LACC1: variants seen among roughly 807,000 people sequenced by gnomAD.
LACC1 encodes the protein laccase domain multifunctional purine nucleosidase 1.
In LACC1, 25 loss-of-function variants were observed where a neutral mutation model predicts 34.8. The ratio of observed to expected loss-of-function variants is 0.72; its 90% CI spans 0.52 to 1.00. LACC1 has a LOEUF of 1.00. LACC1 is among the 50% of genes least tolerant of loss of function. The probability of loss-of-function intolerance (pLI) is 0.00; values close to 1 mark genes in which losing one functional copy is unlikely to be tolerated. For missense variants in LACC1, 426 were observed against 511.2 expected, an observed-to-expected ratio of 0.83 and a Z score of 1.61; for synonymous variants, 162 against 168.0, an observed-to-expected ratio of 0.96 and a Z score of 0.28.
chr13:43,883,437 T>C (rs1955169344), intron 3 of LACC1, among the ~76,000 whole-genome samples: 1 of 152,212 alleles, frequency 6.6e-6, no homozygotes, highest in African/African-American at 2.4e-5. Context: ...TTAACTTTCC[T>C]TTACAAGAAA....
At chr13:43,882,984 C>T (rs967793986) in intron 3 of LACC1, among the ~76,000 whole-genome samples, 2 of 152,128 alleles carry the variant, frequency 1.3e-5, no homozygotes, top group African/African-American at 4.8e-5. Context: ...CGTACTCATG[C>T]TGGGACCATG....
chr13:43,884,514 A>T (rs1158666464), intron 4 of LACC1, among the ~76,000 whole-genome samples: 1 of 152,196 alleles, frequency 6.6e-6, no homozygotes, highest in Non-Finnish European at 1.5e-5. Context: ...GGAAAAAGCA[A>T]GATGTTTTGA....
Position 43,892,444 on chromosome 13 carries a change from A to G in LACC1, c.*997A>G, listed in dbSNP as rs1297988158. 6.6e-6 allele frequency: 1 copy of G among 152,070 alleles called. No homozygotes were observed. The highest frequency in any genetic ancestry group is 1.5e-5 in the Non-Finnish European group (1 of 67,980). 9.4% of individuals were successfully genotyped at this position (152,070 alleles called of 1,614,324 possible). A position where few individuals can be genotyped will look rare whatever the true frequency, so the allele number is the denominator to read the frequency against. ...AAGTAAGAGGTGAGGAAGAGTGGAA[A>G]AGTCATTAATGACTCTAAGATTTCT... is the stretch of plus-strand genomic sequence containing the variant. On this transcript the variant is annotated 3_prime_UTR_variant, in exon 7 of 7. Coordinates refer to ENST00000325686, the MANE Select transcript of LACC1 (RefSeq NM_153218.4).
Position 43,890,120 on chromosome 13 carries a change from T to C in LACC1, c.1140T>C (p.Leu380=). 1.2e-6 allele frequency: 2 copies of C among 1,610,916 alleles called. No individual in the cohort carries two copies. Among genetic ancestry groups the C allele is most frequent in the Non-Finnish European group, 8.5e-7 (1 of 1,178,760 alleles). The part of the protein sequence containing the change: ...CIDIRKATRI[L]LEQGGILPQN... Reference sequence around the variant, plus strand: ...GAAAAATATTTTTCCTAAGGATTCTTCTAGAACAGGGAGGAATTCTTCCAC... The same window carrying C: ...GAAAAATATTTTTCCTAAGGATTCTCCTAGAACAGGGAGGAATTCTTCCAC... Residue 380 remains leucine (L), a synonymous_variant, in exon 6 of 7, where the codon CTT becomes CTC. Coordinates refer to ENST00000325686, the MANE Select transcript of LACC1 (RefSeq NM_153218.4).
intron 4 of LACC1, among the ~76,000 whole-genome samples, chr13:43,886,715 A>G (rs1955347905): frequency 6.6e-6 from 1 of 152,208 alleles, no homozygotes; most frequent in South Asian, 2.1e-4. Context: ...CAATTTACCC[A>G]TGTAACAAAC....
At chr13:43,887,357 C>T (rs1441279366) in intron 4 of LACC1, among the ~76,000 whole-genome samples, 1 of 152,032 alleles carries the variant, frequency 6.6e-6, no homozygotes, top group African/African-American at 2.4e-5. Context: ...GTATGGAGTG[C>T]TTAAGGAAGG....
intron 4 of LACC1, among the ~76,000 whole-genome samples, chr13:43,885,238 C>A (rs1955257843): frequency 6.6e-6 from 1 of 152,148 alleles, no homozygotes; most frequent in Admixed American, 6.5e-5. Context: ...TCATTTTTCA[C>A]AGATTTAGAA....
At chr13:43,889,325 A>G (rs994267524) in intron 5 of LACC1, among the ~76,000 whole-genome samples, 2 of 152,224 alleles carry the variant, frequency 1.3e-5, no homozygotes, top group Non-Finnish European at 2.9e-5. Context: ...AAATGTAATG[A>G]ACTATCAGGA....
At chr13:43,890,030 G>A (rs1319324800) in intron 5 of LACC1, 84 bp from the exon 6 acceptor site, 26 of 1,195,260 alleles carry the variant, frequency 2.2e-5, no homozygotes, top group Admixed American at 4.5e-5. Context: ...ACTTTTTCAT[G>A]CCAACATCCA....
intron 4 of LACC1, among the ~76,000 whole-genome samples, chr13:43,884,385 A>G (rs566268416): frequency 1.3e-5 from 2 of 152,264 alleles, no homozygotes; most frequent in East Asian, 3.9e-4. Flanking sequence ...TCCCTAGGGG[A>G]GTGGTACTGC....
chr13:43,887,807 G>A (rs1594897215), intron 4 of LACC1, among the ~76,000 whole-genome samples: 1 of 152,140 alleles, frequency 6.6e-6, no homozygotes, highest in Non-Finnish European at 1.5e-5. Flanking sequence ...AATAAGTGTT[G>A]TTGAGGATAT....
rs2138385383 is a variant in LACC1 at position 43,892,430 on chromosome 13, G to A, written c.*983G>A. The A allele has an allele frequency of 6.6e-6, 1 of 152,236 alleles. No homozygotes were observed. Among genetic ancestry groups the A allele is most frequent in the African/African-American group, 2.4e-5 (1 of 41,556 alleles). The allele number at this position is 152,236 out of a possible 1,614,324, so 9.4% of individuals were successfully genotyped here. ...TTACTAGATAATGGAAGTAAGAGGT[G>A]AGGAAGAGTGGAAAAGTCATTAATG... On this transcript the variant is annotated 3_prime_UTR_variant, in exon 7 of 7. Transcript: ENST00000325686.
intron 1 of LACC1, 94 bp from the exon 2 acceptor site, chr13:43,880,858 A>C: frequency 1.3e-6 from 1 of 764,266 alleles, no homozygotes; most frequent in Middle Eastern, 3.9e-4. Flanking sequence ...TTTTAAAATC[A>C]GTGTAATTAC....
chr13:43,891,458 T>C lies in LACC1; in HGVS notation c.*11T>C. ...TCTATGTATTTTACAGATACTTGACTGGATTTTTGTATAACTGCTTCCTGC... is the reference window on the plus strand; with the variant it reads ...TCTATGTATTTTACAGATACTTGACCGGATTTTTGTATAACTGCTTCCTGC... On this transcript the variant is annotated 3_prime_UTR_variant, in exon 7 of 7. Transcript: ENST00000325686. 1 of 984,560 alleles carries C rather than the reference T, an allele frequency of 1.0e-6. No homozygotes were observed. Among genetic ancestry groups the C allele is most frequent in the Non-Finnish European group, 1.2e-6 (1 of 828,978 alleles). 61.0% of individuals were successfully genotyped at this position (984,560 alleles called of 1,614,324 possible).
chr13:43,879,441 C>T (rs1467900573), upstream of LACC1: 4 of 152,868 alleles, frequency 2.6e-5, no homozygotes, highest in African/African-American at 9.6e-5. Flanking sequence ...GGGCGAGAGC[C>T]CTCGCGCGGC....
rs575358540 is a variant in LACC1, at chr13:43,882,272, A to G, written c.650A>G (p.Lys217Arg). 9.3e-6 allele frequency: 15 copies of G among 1,613,924 alleles called. No individual in the cohort carries two copies. The South Asian group carries it at 1.5e-4, about 17-fold the overall frequency. The change falls in exon 3 of 7, where the codon AAA becomes AGA. Residue 217 changes from lysine to arginine, a missense_variant. Coordinates refer to ENST00000325686, the MANE Select transcript of LACC1 (RefSeq NM_153218.4). ...LSSFNLFSSS[K>R]RRDPKVVVQE... ...TCATTCAATCTCTTCAGTAGTTCCA[A>G]ACGGAGAGATCCCAAGGTAGTGGTT...
chr13:43,880,825 C>G (rs867799766), intron 1 of LACC1, 127 bp from the exon 2 acceptor site: 1 of 634,334 alleles, frequency 1.6e-6, no homozygotes. Context: ...TGGGAGGGGC[C>G]TAGATTTACT....
Position 43,881,151 on chromosome 13 carries a change from G to A in LACC1, c.166G>A (p.Gly56Arg). 6.2e-7 allele frequency: 1 copy of A among 1,614,154 alleles called. No homozygotes were observed. The highest frequency in any genetic ancestry group is 8.5e-7 in the Non-Finnish European group (1 of 1,180,024). The change falls in exon 2 of 7, where the codon GGA becomes AGA. Residue 56 changes from glycine (G) to arginine (R), a missense_variant. By Grantham distance (125) the Gly-to-Arg change is moderately radical (BLOSUM62 -2). Coordinates refer to ENST00000325686, the MANE Select transcript of LACC1 (RefSeq NM_153218.4). The part of the protein sequence containing the change: ...CCSNISYERD[G>R]EQDNCEIETS... ...CAGTAACATCAGCTATGAAAGGGAT[G>A]GAGAACAAGATAATTGTGAAATAGA... is the stretch of plus-strand genomic sequence containing the variant.
intron 3 of LACC1, among the ~76,000 whole-genome samples, chr13:43,883,006 A>G (rs1035611834): frequency 2.6e-5 from 4 of 152,126 alleles, no homozygotes; most frequent in African/African-American, 4.8e-5. Context: ...AGACACCCCA[A>G]TTCATCTAAC....
Sources: allele counts gnomAD v4.1 joint callset (sites outside exome capture counted in the v4.1 genomes callset), GRCh38; gene constraint gnomAD v4.1.1; transcripts MANE v1.5; gene names NCBI Gene and HGNC (gene_info 2026-07-23, HGNC 2026-07-21).